The following SLC26A8 variants were observed in gnomAD, a reference collection of about 807,000 sequenced individuals.
SLC26A8 encodes the protein solute carrier family 26 member 8.
A neutral mutation model predicts 105.0 loss-of-function variants in SLC26A8; 70 were observed. The ratio of observed to expected loss-of-function variants is 0.67; its 90% CI spans 0.55 to 0.81. The LOEUF is 0.81. Ranked by LOEUF, SLC26A8 falls within the 40% of genes least tolerant of loss-of-function variation. SLC26A8 has a pLI of 0.00. For missense variants in SLC26A8, 998 were observed against 1,181.8 expected (o/e 0.84, Z 2.28); for synonymous variants, 415 against 438.3 (o/e 0.95, Z 0.66).
chr6:36,000,132 A>C, intron 3 of SLC26A8, 24 bp from the exon 4 acceptor site: 2 of 1,502,438 alleles, frequency 1.3e-6, no homozygotes, highest in Non-Finnish European at 1.8e-6. Flanking sequence ...TAATTTAAGA[A>C]AAAGCAGCTT....
At chr6:35,989,213 C>T (rs1478622175) in intron 7 of SLC26A8, among the ~76,000 whole-genome samples, 2 of 152,192 alleles carry the variant, frequency 1.3e-5, no homozygotes, top group African/African-American at 2.4e-5. Flanking sequence ...ACACATGAAA[C>T]ATTTCCATCA....
intron 1 of SLC26A8, among the ~76,000 whole-genome samples, chr6:36,022,022 C>G (rs560871474): frequency 2.6e-4 from 40 of 151,538 alleles, no homozygotes; most frequent in African/African-American, 9.4e-4. Flanking sequence ...GGCTGGAGTT[C>G]AGTGGCGCGA....
At chr6:36,003,992 C>T (rs547557955) in intron 3 of SLC26A8, among the ~76,000 whole-genome samples, 3 of 151,436 alleles carry the variant, frequency 2.0e-5, no homozygotes, top group East Asian at 1.9e-4. Flanking sequence ...CAGTAGTGTA[C>T]GTATCCCTAC....
At position 35,951,320 on chromosome 6, in the gene SLC26A8, T is replaced by C; in HGVS notation, c.2315A>G (p.Asn772Ser). 6.2e-7 allele frequency: 1 copy of C among 1,614,066 alleles called. No individual in the cohort carries two copies. Among genetic ancestry groups the C allele is most frequent in the Non-Finnish European group, 8.5e-7 (1 of 1,180,004 alleles). ...HSSIVRAFER[N>S]DFFDAGITKT... ...GGTGATGCCAGCGTCAAAGAAATCA[T>C]TCCTCTCAAATGCCCTGACTATGGA... Residue 772 changes from asparagine to serine, a missense_variant, in exon 19 of 20, where the codon AAT (asparagine) becomes AGT (serine). By Grantham distance (46) the Asn-to-Ser change is conservative. Coordinates refer to ENST00000490799, the MANE Select transcript of SLC26A8 (RefSeq NM_052961.4).
rs71540136 is a variant in SLC26A8, at chr6:35,957,606, C to CT, written c.1863+1853dup. 5.7e-3 allele frequency among the ~76,000 whole-genome samples: 744 copies of CT among 130,300 alleles called. 10 individuals carry two copies. The highest frequency in any genetic ancestry group is 0.021 in the South Asian group (83 of 4,028). The allele number at this position is 130,300 out of a possible 152,430, so 85.5% of individuals were successfully genotyped here. A position where few individuals can be genotyped will look rare whatever the true frequency, so the allele number is the denominator to read the frequency against. On this transcript the variant is annotated intron_variant, in intron 16 of 19. Coordinates refer to ENST00000490799, the MANE Select transcript of SLC26A8 (RefSeq NM_052961.4). ...GCAGAGGGAATTCTCTGAGAGCCACCTTTTTTTTTTTTTTTTTGAGATGGA... is the reference window on the plus strand; with the variant it reads ...GCAGAGGGAATTCTCTGAGAGCCACCTTTTTTTTTTTTTTTTTTGAGATGGA...
chr6:36,008,178 T>C (rs1335440106), intron 3 of SLC26A8, among the ~76,000 whole-genome samples: 2 of 147,688 alleles, frequency 1.4e-5, no homozygotes, highest in African/African-American at 5.0e-5. Flanking sequence ...GCCTGTAATC[T>C]CAGCACTTTA....
chr6:36,022,010 C>T (rs551645988), intron 1 of SLC26A8, among the ~76,000 whole-genome samples: 13 of 151,418 alleles, frequency 8.6e-5, no homozygotes, highest in African/African-American at 3.2e-4. Context: ...CTCTGTCACC[C>T]AGGCTGGAGT....
intron 17 of SLC26A8, among the ~76,000 whole-genome samples, chr6:35,953,171 C>T (rs1771939966): frequency 6.6e-6 from 1 of 151,996 alleles, no homozygotes; most frequent in Non-Finnish European, 1.5e-5. Context: ...CAAAAGTACA[C>T]CATGAATCTC....
chr6:35,961,873 C>G (rs1772317983), intron 12 of SLC26A8, among the ~76,000 whole-genome samples: 1 of 152,220 alleles, frequency 6.6e-6, no homozygotes, highest in Non-Finnish European at 1.5e-5. Flanking sequence ...GACAAGACAC[C>G]ACCTTCCCTT....
intron 3 of SLC26A8, among the ~76,000 whole-genome samples, chr6:36,000,902 A>G (rs914724848): frequency 3.9e-5 from 6 of 152,222 alleles, no homozygotes; most frequent in African/African-American, 1.4e-4. Flanking sequence ...CCCATAACCA[A>G]TCTATGCTTC....
intron 3 of SLC26A8, among the ~76,000 whole-genome samples, chr6:36,010,527 A>G (rs1321910779): frequency 6.7e-6 from 1 of 148,312 alleles, no homozygotes. Context: ...ACAAATCTAT[A>G]TATGTATTCT....
intron 2 of SLC26A8, among the ~76,000 whole-genome samples, chr6:36,015,583 G>T (rs139005927): frequency 1.3e-5 from 2 of 152,176 alleles, no homozygotes; most frequent in Non-Finnish European, 2.9e-5. Flanking sequence ...AGGTAGAAAG[G>T]AGTTAGGTTG....
At chr6:36,013,559 A>G (rs1228988544) in intron 2 of SLC26A8, among the ~76,000 whole-genome samples, 1 of 152,240 alleles carries the variant, frequency 6.6e-6, no homozygotes, top group Non-Finnish European at 1.5e-5. Flanking sequence ...ATTCTCCACA[A>G]GAAAGAATTT....
At chr6:36,000,985 G>A (rs529957040) in intron 3 of SLC26A8, among the ~76,000 whole-genome samples, 2 of 152,024 alleles carry the variant, frequency 1.3e-5, no homozygotes, top group African/African-American at 4.8e-5. Context: ...AGATATTTTG[G>A]TATGTGTCTC....
chr6:36,001,379 C>T (rs999401534), intron 3 of SLC26A8, among the ~76,000 whole-genome samples: 13 of 152,206 alleles, frequency 8.5e-5, no homozygotes, highest in African/African-American at 1.2e-4. Flanking sequence ...CCACCCGCCT[C>T]GGCCTCCCAA....
chr6:35,955,478 C>A lies in SLC26A8; in HGVS notation c.1906G>T (p.Ala636Ser). The change falls in exon 17 of 20, where the codon GCA becomes TCA. Residue 636 changes from alanine (A) to serine (S), a missense_variant. By Grantham distance (99) the Ala-to-Ser change is moderately conservative. Transcript: ENST00000490799. ...CAGTGAATCAGGTTAATGGAGGATG[C>A]TTCGGGATCCAGTTTATTTTCAAAT... ...ERFENKLDPE[A>S]SSINLIHCSH... 6.2e-6 allele frequency: 10 copies of A among 1,614,142 alleles called. No homozygotes were observed. Among genetic ancestry groups the A allele is most frequent in the Non-Finnish European group, 8.5e-6 (10 of 1,180,002 alleles).
At position 35,955,293 on chromosome 6, in the gene SLC26A8, C is replaced by G. The variant is rs1413251394; in HGVS notation, c.2091G>C (p.Leu697=). The G allele has an allele frequency of 6.2e-7, 1 of 1,614,186 alleles. No individual in the cohort carries two copies. The highest frequency in any genetic ancestry group is 1.3e-5 in the African/African-American group (1 of 75,054). The change falls in exon 17 of 20, where the codon CTG becomes CTC. Residue 697 remains leucine (L), a synonymous_variant. Coordinates refer to ENST00000490799, the MANE Select transcript of SLC26A8 (RefSeq NM_052961.4). ...TCCCCTGGCTTTCCGCCACATCAGG[C>G]AGTCCTGGTGAGCTGTTTCTTGATG... is the stretch of plus-strand genomic sequence containing the variant. ...NNSSRNSSPG[L]PDVAESQGRR...
Position 35,983,727 on chromosome 6 carries a change from A to AT in SLC26A8, c.943-1525dup, listed in dbSNP as rs554167645. Among the ~76,000 whole-genome samples, 298 of 151,574 alleles carry AT rather than the reference A, an allele frequency of 2.0e-3. 3 individuals carry two copies. Among genetic ancestry groups the AT allele is most frequent in the South Asian group, 0.017 (82 of 4,788 alleles). On this transcript the variant is annotated intron_variant, in intron 7 of 19. Transcript: ENST00000490799. ...CCACCACATCTGGCTAATTTTTTGT[A>AT]TTTTTTTAGTAGAGATGGGGTTTTG...
chr6:35,965,538 C>T (rs985795806), intron 11 of SLC26A8, among the ~76,000 whole-genome samples: 4 of 151,442 alleles, frequency 2.6e-5, no homozygotes, highest in Admixed American at 1.3e-4. Flanking sequence ...AAAAGTTAGC[C>T]GGGTGTGGTG....
Sources: allele counts gnomAD v4.1 joint callset (sites outside exome capture counted in the v4.1 genomes callset), GRCh38; gene constraint gnomAD v4.1.1; transcripts MANE v1.5; gene names NCBI Gene and HGNC (gene_info 2026-07-23, HGNC 2026-07-21).